The following EFCAB5 variants were observed in gnomAD, a reference collection of about 807,000 sequenced individuals.
EFCAB5 encodes EF-hand calcium binding domain 5.
EFCAB5 carries 131 observed loss-of-function variants against 167.9 expected under a neutral mutation model. The ratio of observed to expected loss-of-function variants is 0.78; its 90% confidence interval spans 0.68 to 0.90. EFCAB5 has a LOEUF of 0.90. Among genes scored for constraint, EFCAB5 ranks in the 40% least tolerant of loss-of-function variants. The pLI, the probability that EFCAB5 is intolerant of heterozygous loss-of-function variation, is 0.00. For synonymous variants in EFCAB5, 574 were observed against 602.8 expected (o/e 0.95, Z 0.70); for missense variants, 1,663 against 1,745.2 (o/e 0.95, Z 0.84).
At chr17:30,026,295 A>G (rs1308267945) in intron 7 of EFCAB5, among the ~76,000 whole-genome samples, 1 of 151,832 alleles carries the variant, frequency 6.6e-6, no homozygotes, top group Non-Finnish European at 1.5e-5. Flanking sequence ...CGAGTTCCCT[A>G]TACAAGTTTG....
chr17:29,967,941 C>T (rs1267879879), intron 3 of EFCAB5, among the ~76,000 whole-genome samples: 3 of 143,574 alleles, frequency 2.1e-5, no homozygotes, highest in Admixed American at 7.2e-5. Context: ...GTGGCATGAT[C>T]GTGGCTCACT....
chr17:30,016,724 G>C (rs927924851), intron 7 of EFCAB5, among the ~76,000 whole-genome samples: 14 of 152,180 alleles, frequency 9.2e-5, no homozygotes, highest in African/African-American at 3.1e-4. Flanking sequence ...CCAACCATTT[G>C]AAAATATTTA....
At chr17:30,026,365 G>T (rs899403616) in intron 7 of EFCAB5, among the ~76,000 whole-genome samples, 27 of 151,610 alleles carry the variant, frequency 1.8e-4, no homozygotes, top group Admixed American at 1.7e-3. Flanking sequence ...AAAACAAGCT[G>T]CATTGTCTTG....
rs1387980088 is a variant in EFCAB5 at position 29,981,599 on chromosome 17, G to GA, written c.768-11564dup. ...AACTATGTCTGTCATAGTCACCACT[G>GA]AATCCTCAGCATCTAACACTGTGTC... On this transcript the variant is annotated intron_variant, in intron 4 of 22. Transcript: ENST00000394835. 9.8e-5 allele frequency among the ~76,000 whole-genome samples: 15 copies of GA among 152,308 alleles called. No individual in the cohort carries two copies. In the East Asian group the frequency reaches 2.9e-3, roughly 29 times the overall value.
chr17:29,993,273 A>G lies in EFCAB5; in HGVS notation c.876A>G (p.Gln292=). The part of the protein sequence containing the change: ...ANTRKQALQE[Q]FDEWILDPKG... ...CACGGAAACAGGCTCTGCAGGAGCA[A>G]TTCGATGAATGGATTCTAGACCCTA... Residue 292 remains glutamine (Q), a synonymous_variant, in exon 5 of 23, where the codon CAA becomes CAG. Transcript: ENST00000394835. 2 of 1,613,898 alleles carry G rather than the reference A, an allele frequency of 1.2e-6. No homozygotes were observed. Among genetic ancestry groups the G allele is most frequent in the Non-Finnish European group, 1.7e-6 (2 of 1,179,848 alleles).
chr17:29,931,767 A>G (rs1196745228), intron 1 of EFCAB5, among the ~76,000 whole-genome samples: 6 of 152,230 alleles, frequency 3.9e-5, no homozygotes, highest in Non-Finnish European at 5.9e-5. Flanking sequence ...TAAATGAAAT[A>G]TATGTGCTTT....
intron 4 of EFCAB5, among the ~76,000 whole-genome samples, chr17:29,991,809 C>T (rs2068426351): frequency 6.6e-6 from 1 of 152,224 alleles, no homozygotes; most frequent in Non-Finnish European, 1.5e-5. Context: ...GAGAGAAGCT[C>T]ACTACCCTAA....
chr17:30,096,247 T>A (rs940790195), intron 22 of EFCAB5, among the ~76,000 whole-genome samples: 2 of 152,274 alleles, frequency 1.3e-5, no homozygotes, highest in African/African-American at 4.8e-5. Flanking sequence ...ATTCTCTTTA[T>A]GTTTCTTATC....
chr17:30,057,346 C>T (rs1052153101), intron 12 of EFCAB5, among the ~76,000 whole-genome samples: 7 of 152,138 alleles, frequency 4.6e-5, no homozygotes, highest in African/African-American at 1.2e-4. Context: ...AAGAGTGATT[C>T]GTCCCTAATA....
At chr17:30,032,398 C>G (rs1400275399) in intron 7 of EFCAB5, among the ~76,000 whole-genome samples, 1 of 152,132 alleles carries the variant, frequency 6.6e-6, no homozygotes, top group African/African-American at 2.4e-5. Context: ...ATATGCTACC[C>G]CGAAACATTC....
At chr17:29,947,032 G>A (rs2067415286) in intron 3 of EFCAB5, among the ~76,000 whole-genome samples, 1 of 151,926 alleles carries the variant, frequency 6.6e-6, no homozygotes, top group African/African-American at 2.4e-5. Context: ...AAATTAGCTG[G>A]GTGTGGTGGC....
chr17:29,977,266 G>A (rs934309604), intron 4 of EFCAB5, among the ~76,000 whole-genome samples: 3 of 152,010 alleles, frequency 2.0e-5, no homozygotes, highest in Non-Finnish European at 2.9e-5. Context: ...AATTATGATG[G>A]TGGTTACACA....
chr17:29,940,977 T>A (rs1291261330), upstream of EFCAB5, among the ~76,000 whole-genome samples: 3 of 151,602 alleles, frequency 2.0e-5, no homozygotes, highest in South Asian at 2.1e-4. Flanking sequence ...GAGGCGGAGG[T>A]TGCAGTGAGC....
chr17:29,949,253 AGGC>A (rs2067461942), intron 3 of EFCAB5, among the ~76,000 whole-genome samples: 1 of 152,234 alleles, frequency 6.6e-6, no homozygotes, highest in Non-Finnish European at 1.5e-5. Context: ...AGTCATTATA[AGGC>A]TAGACTTTTC....
At chr17:30,095,063 G>A (rs1212534843) in intron 22 of EFCAB5, among the ~76,000 whole-genome samples, 3 of 152,238 alleles carry the variant, frequency 2.0e-5, no homozygotes, top group East Asian at 3.9e-4. Context: ...TCACCTGGTC[G>A]TTCAGGATGC....
At chr17:30,071,891 G>A (rs967695281) in intron 14 of EFCAB5, among the ~76,000 whole-genome samples, 2 of 152,044 alleles carry the variant, frequency 1.3e-5, no homozygotes, top group African/African-American at 4.8e-5. Context: ...AATAAGCCAG[G>A]CACAAAAAAG....
rs969495411 is a variant in EFCAB5, at chr17:29,943,560, C to T, written c.106-5C>T. On this transcript the variant is annotated splice_region_variant and splice_polypyrimidine_tract_variant and intron_variant, in intron 2 of 22. Coordinates refer to ENST00000394835, the MANE Select transcript of EFCAB5 (RefSeq NM_198529.4). ...AAATTGGTGATTTTTTTCCTCTTTTCAAAGACCTTACAGAGTGTGCCAGAC... is the reference window on the plus strand; with the variant it reads ...AAATTGGTGATTTTTTTCCTCTTTTTAAAGACCTTACAGAGTGTGCCAGAC... 7 of 1,565,378 alleles carry T rather than the reference C, an allele frequency of 4.5e-6. No individual in the cohort carries two copies. Among genetic ancestry groups the T allele is most frequent in the Non-Finnish European group, 6.1e-6 (7 of 1,155,064 alleles).
Position 30,096,652 on chromosome 17 carries a change from C to CATATAT in EFCAB5, c.4321+3737_4321+3742dup, listed in dbSNP as rs200424980. ...TTAAAACTGTCTTTTATCCTGAAAG[C>CATATAT]ATATATATATATATATATATATATA... On this transcript the variant is annotated intron_variant, in intron 22 of 22. Transcript: ENST00000394835. 6.4e-4 allele frequency among the ~76,000 whole-genome samples: 60 copies of CATATAT among 93,556 alleles called. 1 individual carries two copies. Among genetic ancestry groups the CATATAT allele is most frequent in the Middle Eastern group, 7.5e-3 (1 of 134 alleles). The allele number at this position is 93,556 out of a possible 152,430, so 61.4% of individuals were successfully genotyped here. A position where few individuals can be genotyped will look rare whatever the true frequency, so the allele number is the denominator to read the frequency against.
intron 18 of EFCAB5, 94 bp from the exon 19 acceptor site, chr17:30,086,969 C>T: frequency 1.9e-6 from 2 of 1,051,862 alleles, no homozygotes; most frequent in Non-Finnish European, 2.8e-6. Flanking sequence ...GTCATCTAAG[C>T]TTTCCTATTT....
Sources: gnomAD v4.1 joint callset for allele counts (sites outside exome capture counted in the v4.1 genomes callset) on GRCh38, gnomAD v4.1.1 for gene constraint, MANE v1.5 for transcripts, NCBI Gene and HGNC (gene_info 2026-07-23, HGNC 2026-07-21) for gene names.